The following LAMA3 variants were observed in gnomAD, a reference collection of about 807,000 sequenced individuals.
The protein encoded by LAMA3 is laminin subunit alpha 3, also known as laminin subunit alpha-3.
A neutral mutation model predicts 402.0 loss-of-function variants in LAMA3; 281 were observed. The observed-to-expected ratio is 0.70, with a 90% confidence interval of 0.63 to 0.77. The LOEUF (loss-of-function observed/expected upper bound fraction) is 0.77, where lower values mean the gene tolerates loss of function less well. Ranked by LOEUF, LAMA3 falls within the 30% of genes least tolerant of loss-of-function variation. The pLI is 0.00. For synonymous variants in LAMA3, 1,431 were observed against 1,558.4 expected (o/e 0.92, Z 1.93); for missense variants, 3,840 against 4,215.5 (o/e 0.91, Z 2.47).
At chr18:23,743,351 C>T (rs1206771117) in intron 2 of LAMA3, among the ~76,000 whole-genome samples, 3 of 152,178 alleles carry the variant, frequency 2.0e-5, no homozygotes, top group Non-Finnish European at 4.4e-5. Context: ...GGTAGGACCA[C>T]TTCGGGGTTC....
At chr18:23,742,405 G>T (rs1043279127) in intron 2 of LAMA3, among the ~76,000 whole-genome samples, 1 of 152,188 alleles carries the variant, frequency 6.6e-6, no homozygotes, top group African/African-American at 2.4e-5. Flanking sequence ...ATACAATGGG[G>T]ATTATTGAGA....
At chr18:23,754,963 TCTC>T (rs1439281487) in intron 6 of LAMA3, among the ~76,000 whole-genome samples, 2 of 152,196 alleles carry the variant, frequency 1.3e-5, no homozygotes, top group African/African-American at 4.8e-5. Context: ...GTGGGGCCCT[TCTC>T]CTTGACCAGC....
chr18:23,844,825 G>C (rs944652189), intron 29 of LAMA3, among the ~76,000 whole-genome samples, 184 bp from the exon 30 acceptor site: 2 of 152,144 alleles, frequency 1.3e-5, no homozygotes, highest in Non-Finnish European at 2.9e-5. Context: ...AATCCAAAAT[G>C]CTCCAGTGAG....
At chr18:23,921,125 CAAAT>C (rs2081821612) in intron 61 of LAMA3, 71 bp downstream of exon 61, 1 of 1,487,646 alleles carries the variant, frequency 6.7e-7, no homozygotes, top group Non-Finnish European at 9.3e-7. Flanking sequence ...TCAGTGCCCC[CAAAT>C]AAATAAATAA....
At chr18:23,943,645 G>T in intron 68 of LAMA3, 143 bp from the exon 69 acceptor site, 2 of 710,516 alleles carry the variant, frequency 2.8e-6, no homozygotes, top group Non-Finnish European at 5.0e-6. Flanking sequence ...CCAGAGAAAC[G>T]GGTCATTTAA....
At chr18:23,813,553 CTTTTTTT>C (rs1164123647) in intron 14 of LAMA3, among the ~76,000 whole-genome samples, 6 of 115,030 alleles carry the variant, frequency 5.2e-5, no homozygotes, top group Non-Finnish European at 5.2e-5. Flanking sequence ...TCTTTTCTTT[CTTTTTTT>C]TTTTTTTTTT....
chr18:23,821,668 A>G (rs997148439), intron 19 of LAMA3, among the ~76,000 whole-genome samples: 1 of 152,218 alleles, frequency 6.6e-6, no homozygotes, highest in Non-Finnish European at 1.5e-5. Context: ...TTGAAAAGCC[A>G]TCATTTCTTT....
chr18:23,880,448 G>C (rs1260714187), intron 39 of LAMA3, among the ~76,000 whole-genome samples: 1 of 152,196 alleles, frequency 6.6e-6, no homozygotes, highest in Non-Finnish European at 1.5e-5. Flanking sequence ...GTTAGTGAAG[G>C]ATGGATTTGC....
chr18:23,946,341 T>A, intron 70 of LAMA3, 57 bp downstream of exon 70: 2 of 1,522,952 alleles, frequency 1.3e-6, no homozygotes, highest in South Asian at 1.1e-5. Flanking sequence ...ATTATAGGCA[T>A]AATTGTATGA....
At chr18:23,701,357 G>C (rs1315521757) in intron 1 of LAMA3, among the ~76,000 whole-genome samples, 2 of 152,156 alleles carry the variant, frequency 1.3e-5, no homozygotes, top group Non-Finnish European at 2.9e-5. Flanking sequence ...GTTAGGAGCT[G>C]AGAATAGGTT....
chr18:23,731,310 A>G (rs142027982), intron 2 of LAMA3, among the ~76,000 whole-genome samples: 273 of 152,322 alleles, frequency 1.8e-3, no homozygotes, highest in Non-Finnish European at 2.6e-3. Flanking sequence ...AGCATCTAGA[A>G]CATGACATAT....
chr18:23,731,251 T>C (rs2061390387), intron 2 of LAMA3, among the ~76,000 whole-genome samples: 1 of 152,194 alleles, frequency 6.6e-6, no homozygotes. Flanking sequence ...TAATAATATG[T>C]GTGTTGCTAG....
In LAMA3 at chr18:23,879,014, G is replaced by T. The variant is rs149891481; in HGVS notation, c.5112+2607G>T. Among the ~76,000 whole-genome samples the T allele has an allele frequency of 3.7e-4, 50 of 134,898 alleles. No homozygotes were observed. The highest frequency in any genetic ancestry group is 1.4e-3 in the African/African-American group (49 of 34,898). The allele number at this position is 134,898 out of a possible 152,430, so 88.5% of individuals were successfully genotyped here. A position where few individuals can be genotyped will look rare whatever the true frequency, so the allele number is the denominator to read the frequency against. On this transcript the variant is annotated intron_variant, in intron 39 of 74. Coordinates refer to ENST00000313654, the MANE Select transcript of LAMA3 (RefSeq NM_198129.4). This position sits in a 1 kb window ranked among gnomAD's most constrained non-coding sequence, Gnocchi z 4.2. ...ATTCCCCTTCCTCTCTACTATCCCC[G>T]TCACCCCTTATTTTCCTCTCCGTTC... is the stretch of plus-strand genomic sequence containing the variant.
Position 23,725,255 on chromosome 18 carries a change from A to G in LAMA3, c.447+11183A>G, listed in dbSNP as rs1019612562. Among the ~76,000 whole-genome samples, 11 of 151,978 alleles carry G rather than the reference A, an allele frequency of 7.2e-5. No individual in the cohort carries two copies. The East Asian group carries it at 7.7e-4, about 11-fold the overall frequency. On this transcript the variant is annotated intron_variant, in intron 2 of 74. Coordinates refer to ENST00000313654, the MANE Select transcript of LAMA3 (RefSeq NM_198129.4). ...CTCCTGAGTAGCTAGGATTATAGGT[A>G]TGGGCCACCACGCCCAGCTAATCTT... is the stretch of plus-strand genomic sequence containing the variant.
At chr18:23,817,655 C>T (rs950096713) in intron 18 of LAMA3, among the ~76,000 whole-genome samples, 8 of 152,214 alleles carry the variant, frequency 5.3e-5, no homozygotes, top group African/African-American at 1.7e-4. Context: ...TTTGAGGTTG[C>T]GGTGAGCTAT....
At chr18:23,941,328 C>T (rs1053728383) in intron 68 of LAMA3, among the ~76,000 whole-genome samples, 1 of 119,674 alleles carries the variant, frequency 8.4e-6, no homozygotes, top group Non-Finnish European at 1.7e-5. Context: ...AGCTTGGCGC[C>T]CCCCCCCCGC....
chr18:23,793,038 C>T (rs1414058610), intron 12 of LAMA3, among the ~76,000 whole-genome samples: 6 of 151,882 alleles, frequency 4.0e-5, no homozygotes, highest in Non-Finnish European at 7.4e-5. Flanking sequence ...GCATCAGGGT[C>T]GGTTTGGAGG....
chr18:23,899,151 A>G lies in LAMA3; in HGVS notation c.5836+86A>G, dbSNP rs1006422326. The G allele has an allele frequency of 1.9e-5, 25 of 1,301,416 alleles. 1 individual carries two copies. The South Asian group carries it at 2.8e-4, about 14-fold the overall frequency. 80.6% of individuals were successfully genotyped at this position (1,301,416 alleles called of 1,614,324 possible). A position where few individuals can be genotyped will look rare whatever the true frequency, so the allele number is the denominator to read the frequency against. On this transcript the variant is annotated intron_variant, in intron 46 of 74. Coordinates refer to ENST00000313654, the MANE Select transcript of LAMA3 (RefSeq NM_198129.4). ...TAAAAGAATTCCCTTTAAGATTTCA[A>G]CATTATGAAAAGAATCCCATAGTGA...
At chr18:23,834,044 T>G in intron 24 of LAMA3, 56 bp downstream of exon 24, 1 of 1,592,004 alleles carries the variant, frequency 6.3e-7, no homozygotes, top group Non-Finnish European at 8.6e-7. Context: ...GAAATCTGCC[T>G]TAGGAACTTT....
Sources: allele counts gnomAD v4.1 joint callset (sites outside exome capture counted in the v4.1 genomes callset), GRCh38; gene constraint gnomAD v4.1.1; non-coding constraint Gnocchi (gnomAD v3.1); transcripts MANE v1.5; gene names NCBI Gene and HGNC (gene_info 2026-07-23, HGNC 2026-07-21).